Variants in KIF20B observed in about 807,000 individuals in gnomAD.
KIF20B encodes the protein kinesin-like protein KIF20B.
In KIF20B, 188 loss-of-function variants were observed where a neutral mutation model predicts 232.5. The observed-to-expected ratio is 0.81, with a 90% confidence interval of 0.72 to 0.91. The LOEUF is 0.91. Ranked by LOEUF, KIF20B falls within the 40% of genes least tolerant of loss-of-function variation. KIF20B has a pLI of 0.00. For missense variants in KIF20B, 2,154 were observed against 2,055.9 expected (o/e 1.05, Z -0.92); for synonymous variants, 712 against 683.0 (o/e 1.04, Z -0.66).
At chr10:89,754,746 C>G (rs1437612283) in intron 26 of KIF20B, 73 bp downstream of exon 26, 29 of 1,170,362 alleles carry the variant, frequency 2.5e-5, no homozygotes, top group African/African-American at 3.1e-5. Flanking sequence ...CTGGAATTAA[C>G]AGTTTCTACA....
chr10:89,710,092 A>T (rs766306284), intron 5 of KIF20B, 27 bp downstream of exon 5: 11 of 1,573,514 alleles, frequency 7.0e-6, no homozygotes, highest in Non-Finnish European at 8.6e-6. Context: ...TTTGGTTGGA[A>T]AGGATAAGGA....
rs767683376 is a variant in KIF20B, at chr10:89,768,850, ACTT to A, written c.5208_5210del (p.Phe1736del). Reference sequence around the variant, plus strand: ...GAAGGAACACTACAGAAATTTGGAGACTTCTTACAACATTCTCCCTCAATTCTT... The same window carrying A: ...GAAGGAACACTACAGAAATTTGGAGACTTACAACATTCTCCCTCAATTCTT... On this transcript the variant is annotated inframe_deletion, in exon 31 of 33. Transcript: ENST00000371728. The A allele has an allele frequency of 5.0e-5, 81 of 1,604,952 alleles. No homozygotes were observed. The African/African-American group carries it at 7.5e-4, about 15-fold the overall frequency.
At chr10:89,768,473 T>C in intron 30 of KIF20B, 82 bp downstream of exon 30, 1 of 871,210 alleles carries the variant, frequency 1.1e-6, no homozygotes, top group Non-Finnish European at 1.8e-6. Context: ...TATCTTCTCT[T>C]TCCTATACAT....
At chr10:89,773,248 A>T (rs542440744) in intron 32 of KIF20B, among the ~76,000 whole-genome samples, 1 of 151,950 alleles carries the variant, frequency 6.6e-6, no homozygotes, top group Non-Finnish European at 1.5e-5. Flanking sequence ...TTAGGAAGAG[A>T]CTGTAGTTAT....
intron 19 of KIF20B, among the ~76,000 whole-genome samples, chr10:89,734,132 G>A (rs61870761): frequency 0.022 from 3,290 of 152,112 alleles, 53 homozygotes; most frequent in Middle Eastern, 0.075. Flanking sequence ...GTCATAGGCC[G>A]GGCGTGGTGG....
rs184933589 is a variant in KIF20B at position 89,751,960 on chromosome 10, A to G, written c.4222+489A>G. 3.2e-3 allele frequency among the ~76,000 whole-genome samples: 484 copies of G among 152,156 alleles called. 4 individuals are homozygous for G. The highest frequency in any genetic ancestry group is 0.011 in the African/African-American group (450 of 41,558). On this transcript the variant is annotated intron_variant, in intron 24 of 32. Transcript: ENST00000371728. Reference sequence around the variant, plus strand: ...TTTAGAATTAAGAAATTGTCTAGCCATTTTATATATAACCTTGGCAGGGTA... The same window carrying G: ...TTTAGAATTAAGAAATTGTCTAGCCGTTTTATATATAACCTTGGCAGGGTA...
Position 89,711,347 on chromosome 10 carries a change from T to G in KIF20B, c.675+202T>G, listed in dbSNP as rs3824608. ...ACCAACAGCAAGAATGTTTAAACAATACAAATGTAAATGGTTCTGAAATCT... is the reference window on the plus strand; with the variant it reads ...ACCAACAGCAAGAATGTTTAAACAAGACAAATGTAAATGGTTCTGAAATCT... On this transcript the variant is annotated intron_variant, in intron 6 of 32. Coordinates refer to ENST00000371728, the MANE Select transcript of KIF20B (RefSeq NM_001284259.2). Among the ~76,000 whole-genome samples, 4 of 152,274 alleles carry G rather than the reference T, an allele frequency of 2.6e-5. No individual in the cohort carries two copies. In the East Asian group the frequency reaches 7.7e-4, roughly 29 times the overall value.
At chr10:89,706,951 A>G (rs1158853988) in intron 2 of KIF20B, among the ~76,000 whole-genome samples, 1 of 152,074 alleles carries the variant, frequency 6.6e-6, no homozygotes, top group Non-Finnish European at 1.5e-5. Flanking sequence ...GCATCTTGGG[A>G]TTTTGACTGG....
rs1842610202 is a variant in KIF20B, at chr10:89,701,629, G to C, written c.-53G>C. Reference sequence around the variant, plus strand: ...GCCGCCATTGTTTGAATTTGAAAACGGTAACATCGCAGTGCTGCTCGCGGG... The same window carrying C: ...GCCGCCATTGTTTGAATTTGAAAACCGTAACATCGCAGTGCTGCTCGCGGG... On this transcript the variant is annotated 5_prime_UTR_variant, in exon 1 of 33. Transcript: ENST00000371728. The C allele has an allele frequency of 6.6e-6, 1 of 152,354 alleles. No individual in the cohort carries two copies. The highest frequency in any genetic ancestry group is 2.1e-4 in the South Asian group (1 of 4,834). The allele number at this position is 152,354 out of a possible 1,614,324, so 9.4% of individuals were successfully genotyped here.
At chr10:89,707,242 C>A (rs1012748828) in intron 2 of KIF20B, among the ~76,000 whole-genome samples, 1 of 152,128 alleles carries the variant, frequency 6.6e-6, no homozygotes, top group African/African-American at 2.4e-5. Context: ...TTGACATGTG[C>A]ATACACTTAT....
chr10:89,751,301 A>C, intron 23 of KIF20B, 45 bp from the exon 24 acceptor site: 1 of 1,481,576 alleles, frequency 6.7e-7, no homozygotes, highest in East Asian at 2.3e-5. Context: ...AAAATTGGAT[A>C]TCTAGAGGCT....
chr10:89,751,187 A>G (rs1564671650), intron 23 of KIF20B, among the ~76,000 whole-genome samples, 159 bp from the exon 24 acceptor site: 1 of 152,122 alleles, frequency 6.6e-6, no homozygotes, highest in African/African-American at 2.4e-5. Context: ...ACTGTTGTAG[A>G]CATTGAGGAT....
chr10:89,756,739 GT>G (rs1842126426), intron 26 of KIF20B, among the ~76,000 whole-genome samples: 1 of 151,918 alleles, frequency 6.6e-6, no homozygotes, highest in Non-Finnish European at 1.5e-5. Context: ...AGTTTTGTCT[GT>G]TTTTGGGTTT....
chr10:89,760,536 T>C lies in KIF20B; in HGVS notation c.4691T>C (p.Ile1564Thr), dbSNP rs763150244. 1 of 1,608,646 alleles carries C rather than the reference T, an allele frequency of 6.2e-7. No individual in the cohort carries two copies. The highest frequency in any genetic ancestry group is 2.2e-5 in the East Asian group (1 of 44,784). ...ISETSKIETQ[I>T]MDIKPKRISS... ...ATTTCCTTACTTTAGGAAACACAAA[T>C]CATGGATATCAAGCCCAAACGTATT... The change falls in exon 28 of 33, where the codon ATC becomes ACC. Residue 1564 changes from isoleucine to threonine, a missense_variant. Coordinates refer to ENST00000371728, the MANE Select transcript of KIF20B (RefSeq NM_001284259.2).
Position 89,715,157 on chromosome 10 carries a change from C to T in KIF20B, c.915C>T (p.Asp305=), listed in dbSNP as rs768819723. ...QKRKMLRLSQ[D]VKGYSFIKDL... ...GAAAGATGCTGCGCCTTTCCCAAGA[C>T]GTAAAGGGCTATTCTTTTATAAAAG... Residue 305 remains aspartate, a synonymous_variant, in exon 8 of 33, where the codon GAC becomes GAT. Coordinates refer to ENST00000371728, the MANE Select transcript of KIF20B (RefSeq NM_001284259.2). 6.7e-5 allele frequency: 107 copies of T among 1,595,916 alleles called. 1 individual carries two copies. The highest frequency in any genetic ancestry group is 8.1e-5 in the Non-Finnish European group (95 of 1,171,300).
chr10:89,711,160 T>C lies in KIF20B; in HGVS notation c.675+15T>C, dbSNP rs765727214. The C allele has an allele frequency of 2.7e-6, 4 of 1,472,880 alleles. No homozygotes were observed. The highest frequency in any genetic ancestry group is 3.7e-6 in the Non-Finnish European group (4 of 1,094,252). The allele number at this position is 1,472,880 out of a possible 1,614,324, so 91.2% of individuals were successfully genotyped here. On this transcript the variant is annotated intron_variant, in intron 6 of 32. Transcript: ENST00000371728. ...AAATTAAAGAGGTATGGAAATATTT[T>C]AGTATGTAAAATATGTATAATTCCT...
At chr10:89,709,851 G>C in intron 4 of KIF20B, 76 bp from the exon 5 acceptor site, 1 of 1,158,166 alleles carries the variant, frequency 8.6e-7, no homozygotes, top group African/African-American at 1.6e-5. Flanking sequence ...TTTTTAAACA[G>C]TAGTGTTGGG....
chr10:89,727,402 G>T (rs1843214472), intron 16 of KIF20B, among the ~76,000 whole-genome samples: 1 of 152,148 alleles, frequency 6.6e-6, no homozygotes, highest in South Asian at 2.1e-4. Flanking sequence ...CTACAGACAT[G>T]TGCCACCATG....
intron 26 of KIF20B, 63 bp downstream of exon 26, chr10:89,754,736 C>G (rs1018231262): frequency 2.1e-5 from 25 of 1,218,530 alleles, no homozygotes; most frequent in Non-Finnish European, 2.5e-5. Flanking sequence ...AAATGTATTG[C>G]TGGAATTAAC....
Sources: gnomAD v4.1 joint callset for allele counts (sites outside exome capture counted in the v4.1 genomes callset) on GRCh38, gnomAD v4.1.1 for gene constraint, MANE v1.5 for transcripts, NCBI Gene and HGNC (gene_info 2026-07-23, HGNC 2026-07-21) for gene names.